CDK19: variants seen among roughly 807,000 people sequenced by gnomAD.
The protein encoded by CDK19 is cyclin-dependent kinase 19.
A neutral mutation model predicts 68.3 loss-of-function variants in CDK19; 20 were observed. That is an observed-to-expected ratio of 0.29 (90% CI 0.21 to 0.43). CDK19 has a LOEUF of 0.43. Ranked by LOEUF, CDK19 falls within the 20% of genes least tolerant of loss-of-function variation. CDK19 has a pLI of 1.00. For missense variants in CDK19, 339 were observed against 623.5 expected (o/e 0.54, Z 4.86); for synonymous variants, 221 against 222.8 (o/e 0.99, Z 0.07).
rs78359089 is a variant in CDK19, at chr6:110,628,455, G to A, written c.647-1310C>T. ...TAAGTTTTAAATTGTGTACCATTCT[G>A]AGCAGTGTGATGAAATCTCATGCTA... On this transcript the variant is annotated intron_variant, in intron 6 of 12. Coordinates refer to ENST00000368911, the MANE Select transcript of CDK19 (RefSeq NM_015076.5). 6.5e-3 allele frequency among the ~76,000 whole-genome samples: 988 copies of A among 152,300 alleles called. 34 individuals are homozygous for A. The East Asian group carries it at 0.093, about 14-fold the overall frequency.
intron 2 of CDK19, among the ~76,000 whole-genome samples, chr6:110,683,523 G>A (rs1772192949): frequency 6.6e-6 from 1 of 152,084 alleles, no homozygotes. Flanking sequence ...CTATATGAAA[G>A]TTATTTCCTT....
chr6:110,736,816 T>C (rs545467919), intron 2 of CDK19, among the ~76,000 whole-genome samples: 3 of 152,296 alleles, frequency 2.0e-5, no homozygotes, highest in Non-Finnish European at 4.4e-5. Context: ...CACATACCAG[T>C]ATCAGATTTA....
chr6:110,646,418 G>T, intron 4 of CDK19: 1 of 1,493,236 alleles, frequency 6.7e-7, no homozygotes, highest in South Asian at 1.3e-5. Context: ...CGGCGACATG[G>T]CCTTCCCGCG....
intron 2 of CDK19, among the ~76,000 whole-genome samples, chr6:110,719,972 G>GCCCCCCCCCCCCCCCCCC (rs1167384607): frequency 1.7e-3 from 78 of 45,546 alleles, no homozygotes; most frequent in Admixed American, 2.2e-3. Flanking sequence ...CTTGTGATCC[G>GCCCCCCCCCCCCCCCCCC]CCCCCCCCCC....
intron 4 of CDK19, among the ~76,000 whole-genome samples, chr6:110,644,629 T>C (rs891439895): frequency 6.6e-6 from 1 of 152,162 alleles, no homozygotes; most frequent in Non-Finnish European, 1.5e-5. Flanking sequence ...ATGTAACCCA[T>C]AAATATACAC....
chr6:110,702,465 A>C (rs547673029), intron 2 of CDK19, among the ~76,000 whole-genome samples: 436 of 152,144 alleles, frequency 2.9e-3, no homozygotes, highest in Non-Finnish European at 4.8e-3. Context: ...AAAAAAATTA[A>C]AATTAAAAAT....
In CDK19 at chr6:110,613,238, GTCTTAT is replaced by G. The variant is rs1378943227; in HGVS notation, c.*1291_*1296del. The G allele has an allele frequency of 6.6e-6, 1 of 152,502 alleles. No homozygotes were observed. The highest frequency in any genetic ancestry group is 1.5e-5 in the Non-Finnish European group (1 of 68,012). 9.4% of individuals were successfully genotyped at this position (152,502 alleles called of 1,614,324 possible). A position where few individuals can be genotyped will look rare whatever the true frequency, so the allele number is the denominator to read the frequency against. ...GCAAATATTCACTTTGTCTAGTATA[GTCTTAT>G]ACTATCCGCCCATAGTTTTTAGGCA... is the stretch of plus-strand genomic sequence containing the variant. On this transcript the variant is annotated 3_prime_UTR_variant, in exon 13 of 13. Coordinates refer to ENST00000368911, the MANE Select transcript of CDK19 (RefSeq NM_015076.5).
intron 1 of CDK19, among the ~76,000 whole-genome samples, chr6:110,761,117 C>T (rs975577635): frequency 2.6e-5 from 4 of 152,112 alleles, no homozygotes; most frequent in Non-Finnish European, 5.9e-5. Flanking sequence ...TTGGTGTTTT[C>T]GTTTGTTTTT....
intron 2 of CDK19, among the ~76,000 whole-genome samples, chr6:110,734,530 T>G (rs915679604): frequency 6.9e-6 from 1 of 144,754 alleles, no homozygotes; most frequent in Non-Finnish European, 1.5e-5. Flanking sequence ...GCTCTCTCTC[T>G]CTCTCTCTCT....
intron 12 of CDK19, among the ~76,000 whole-genome samples, chr6:110,615,334 C>A (rs1320375420): frequency 1.3e-5 from 2 of 151,890 alleles, no homozygotes; most frequent in Non-Finnish European, 1.5e-5. Flanking sequence ...TTAAATGAAA[C>A]CTTCATCTTC....
At chr6:110,686,744 T>C (rs1772523248) in intron 2 of CDK19, among the ~76,000 whole-genome samples, 1 of 152,250 alleles carries the variant, frequency 6.6e-6, no homozygotes, top group African/African-American at 2.4e-5. Context: ...GAAATAATCA[T>C]AGGTTTGAAA....
intron 2 of CDK19, among the ~76,000 whole-genome samples, chr6:110,733,865 T>C (rs192376685): frequency 6.6e-6 from 1 of 152,264 alleles, no homozygotes; most frequent in Non-Finnish European, 1.5e-5. Flanking sequence ...TTACCAACTT[T>C]AAGCATTATT....
intron 1 of CDK19, among the ~76,000 whole-genome samples, chr6:110,800,373 G>A (rs1056364577): frequency 6.6e-6 from 1 of 152,076 alleles, no homozygotes; most frequent in African/African-American, 2.4e-5. Context: ...TCTGCCAGAC[G>A]TACAAAGAAG....
chr6:110,798,628 GAAAAA>G (rs59236293), intron 1 of CDK19, among the ~76,000 whole-genome samples: 1 of 56,742 alleles, frequency 1.8e-5, no homozygotes. Flanking sequence ...TCTGTCTCCA[GAAAAA>G]AAAAAAAAAA....
chr6:110,695,309 G>A (rs886411030), intron 2 of CDK19, among the ~76,000 whole-genome samples: 47 of 152,152 alleles, frequency 3.1e-4, no homozygotes, highest in African/African-American at 1.0e-3. Context: ...TCAACTGAAC[G>A]ATAATAGTGA....
intron 4 of CDK19, among the ~76,000 whole-genome samples, chr6:110,652,104 A>G: frequency 6.6e-6 from 1 of 152,072 alleles, no homozygotes; most frequent in Non-Finnish European, 1.5e-5. Context: ...ACAACAACAA[A>G]AACAAAGAAA....
rs561116360 is a variant in CDK19, at chr6:110,612,020, T to C, written c.*2515A>G. On this transcript the variant is annotated 3_prime_UTR_variant, in exon 13 of 13. Transcript: ENST00000368911. ...GACGAAATCCCCTTACAGTTTATAT[T>C]TCAGTTCTGCCAGCAAAAGTCATTA... 7.2e-5 allele frequency: 11 copies of C among 152,270 alleles called. No individual in the cohort carries two copies. Among genetic ancestry groups the C allele is most frequent in the African/African-American group, 2.4e-4 (10 of 41,540 alleles). 9.4% of individuals were successfully genotyped at this position (152,270 alleles called of 1,614,324 possible). A position where few individuals can be genotyped will look rare whatever the true frequency, so the allele number is the denominator to read the frequency against.
intron 1 of CDK19, among the ~76,000 whole-genome samples, chr6:110,785,166 G>C (rs534085400): frequency 6.7e-6 from 1 of 149,324 alleles, no homozygotes; most frequent in African/African-American, 2.5e-5. Flanking sequence ...CAATATCCTA[G>C]AATGTTTATA....
In CDK19 at chr6:110,646,257, CAT is replaced by C. The variant is rs1780566630; in HGVS notation, c.457-7553_457-7552del. ...GCTGGCTCTGTGGCCGTTCCACACACATAGTTGCGTGTGCTGCCCCGCCAACA... is the reference window on the plus strand; with the variant it reads ...GCTGGCTCTGTGGCCGTTCCACACACAGTTGCGTGTGCTGCCCCGCCAACA... On this transcript the variant is annotated intron_variant, in intron 4 of 12. Transcript: ENST00000368911. 2.7e-6 allele frequency: 4 copies of C among 1,502,124 alleles called. No individual in the cohort carries two copies. In the South Asian group the frequency reaches 5.1e-5, roughly 19 times the overall value. 93.0% of individuals were successfully genotyped at this position (1,502,124 alleles called of 1,614,324 possible). A position where few individuals can be genotyped will look rare whatever the true frequency, so the allele number is the denominator to read the frequency against.
Sources: allele counts gnomAD v4.1 joint callset (sites outside exome capture counted in the v4.1 genomes callset), GRCh38; gene constraint gnomAD v4.1.1; transcripts MANE v1.5; gene names NCBI Gene and HGNC (gene_info 2026-07-23, HGNC 2026-07-21).